SOX5: variants seen among roughly 807,000 people sequenced by gnomAD.
SOX5 encodes transcription factor SOX-5.
In SOX5, 9 loss-of-function variants were observed where a neutral mutation model predicts 92.0. The ratio of observed to expected loss-of-function variants is 0.10; its 90% CI spans 0.06 to 0.17. The LOEUF (loss-of-function observed/expected upper bound fraction) is 0.17. Among genes scored for constraint, SOX5 ranks in the 10% least tolerant of loss-of-function variants. The pLI, the probability that SOX5 is intolerant of heterozygous loss-of-function variation, is 1.00. For synonymous variants in SOX5, 344 were observed against 336.3 expected (o/e 1.02, Z -0.25); for missense variants, 642 against 944.5 (o/e 0.68, Z 4.20).
At chr12:23,552,524 C>T (rs1327987365) in intron 11 of SOX5, among the ~76,000 whole-genome samples, 1 of 151,804 alleles carries the variant, frequency 6.6e-6, no homozygotes, top group Non-Finnish European at 1.5e-5. Context: ...AAAAAATCAA[C>T]AATCATTGTC....
chr12:24,403,654 T>C (rs1270458970), intron 1 of SOX5, among the ~76,000 whole-genome samples: 1 of 152,242 alleles, frequency 6.6e-6, no homozygotes, highest in African/African-American at 2.4e-5. Flanking sequence ...CCTGCACACC[T>C]GTGCCAAGCT....
chr12:24,227,955 C>A (rs1190832520), intron 3 of SOX5: 1 of 152,218 alleles, frequency 6.6e-6, no homozygotes, highest in Non-Finnish European at 1.5e-5. Flanking sequence ...AATATGCATA[C>A]ATACAAAACT....
intron 3 of SOX5, among the ~76,000 whole-genome samples, chr12:24,257,318 T>C (rs905794056): frequency 2.6e-5 from 4 of 152,218 alleles, no homozygotes; most frequent in African/African-American, 9.7e-5. Context: ...TCTTCCTACA[T>C]TCATTATATA....
intron 2 of SOX5, among the ~76,000 whole-genome samples, chr12:23,860,952 T>TAAAAAAAAAAAAAAAA (rs71059935): frequency 2.1e-3 from 95 of 45,660 alleles, no homozygotes; most frequent in East Asian, 5.0e-3. Flanking sequence ...GTATATTTTG[T>TAAAAAAAAAAAAAAAA]AAAAAAAAAA....
chr12:23,591,141 C>CTAAAAG (rs544801478), intron 9 of SOX5, among the ~76,000 whole-genome samples: 56 of 151,914 alleles, frequency 3.7e-4, no homozygotes, highest in African/African-American at 1.4e-3. Context: ...CAAAAGTTCA[C>CTAAAAG]CTTAACAATA....
intron 4 of SOX5, among the ~76,000 whole-genome samples, chr12:24,170,240 G>A (rs1053667276): frequency 4.6e-5 from 7 of 152,202 alleles, no homozygotes; most frequent in East Asian, 1.9e-4. Flanking sequence ...AGCAGGCAGC[G>A]CTAGTGCAAG....
intron 8 of SOX5, among the ~76,000 whole-genome samples, chr12:23,624,426 T>G (rs1158949447): frequency 6.6e-6 from 1 of 152,168 alleles, no homozygotes; most frequent in African/African-American, 2.4e-5. Flanking sequence ...AATTAAAATT[T>G]TTAAGAATAA....
intron 2 of SOX5, among the ~76,000 whole-genome samples, chr12:23,881,475 C>T (rs2096989163): frequency 6.6e-6 from 1 of 152,172 alleles, no homozygotes; most frequent in African/African-American, 2.4e-5. Context: ...CTCTCACAAA[C>T]ACTGTCAAGT....
At chr12:24,522,454 G>A (rs1380231244) in intron 1 of SOX5, among the ~76,000 whole-genome samples, 2 of 151,860 alleles carry the variant, frequency 1.3e-5, no homozygotes, top group Admixed American at 1.3e-4. Context: ...GCCAAACAAA[G>A]ATATCACAAC....
intron 4 of SOX5, among the ~76,000 whole-genome samples, chr12:24,208,507 C>T (rs36102915): frequency 0.032 from 4,829 of 152,306 alleles, 87 homozygotes; most frequent in Middle Eastern, 0.058. Context: ...CCTTGGCAAT[C>T]TTCCCACTGT....
chr12:23,807,849 T>C (rs972340740), intron 3 of SOX5, among the ~76,000 whole-genome samples: 6 of 152,018 alleles, frequency 3.9e-5, no homozygotes, highest in Non-Finnish European at 8.8e-5. Context: ...GGTTTCACTA[T>C]GTTGGCCAGG....
chr12:24,351,468 A>G (rs1954076374), intron 2 of SOX5, among the ~76,000 whole-genome samples: 1 of 152,240 alleles, frequency 6.6e-6, no homozygotes, highest in African/African-American at 2.4e-5. Context: ...GGAGTTCTGA[A>G]ATCTTTCTAA....
intron 1 of SOX5, among the ~76,000 whole-genome samples, chr12:24,454,085 A>G (rs780789506): frequency 1.3e-5 from 2 of 152,152 alleles, no homozygotes; most frequent in East Asian, 3.8e-4. Context: ...CTAGAGCTAT[A>G]TTCTTTGTTT....
intron 1 of SOX5, among the ~76,000 whole-genome samples, chr12:24,413,439 T>C (rs1351592275): frequency 6.6e-6 from 1 of 152,218 alleles, no homozygotes; most frequent in Non-Finnish European, 1.5e-5. Flanking sequence ...CTGCCCACAT[T>C]GTTACACAAG....
At chr12:24,388,332 G>A (rs942283636) in intron 1 of SOX5, among the ~76,000 whole-genome samples, 3 of 152,066 alleles carry the variant, frequency 2.0e-5, no homozygotes, top group African/African-American at 4.8e-5. Context: ...ATCAAAAGAC[G>A]CCCCTGTTCC....
chr12:24,267,522 G>T (rs1374000530), intron 3 of SOX5, among the ~76,000 whole-genome samples: 1 of 152,070 alleles, frequency 6.6e-6, no homozygotes, highest in African/African-American at 2.4e-5. Context: ...AAATATATTT[G>T]CATTTACAGA....
intron 4 of SOX5, among the ~76,000 whole-genome samples, chr12:24,187,492 T>A (rs1281875413): frequency 6.6e-6 from 1 of 152,236 alleles, no homozygotes; most frequent in Non-Finnish European, 1.5e-5. Context: ...ATTTGCTTCA[T>A]AACTGCACTT....
chr12:23,813,558 T>G (rs1430091231), intron 3 of SOX5, among the ~76,000 whole-genome samples: 1 of 152,216 alleles, frequency 6.6e-6, no homozygotes, highest in Non-Finnish European at 1.5e-5. Flanking sequence ...CCACATGTGC[T>G]TTAATAAAAG....
At chr12:23,816,207 CTTTTT>C (rs11347313) in intron 3 of SOX5, among the ~76,000 whole-genome samples, 3 of 129,636 alleles carry the variant, frequency 2.3e-5, no homozygotes, top group African/African-American at 5.9e-5. Flanking sequence ...GACAAGATTT[CTTTTT>C]TTTTTTTTTT....
Sources: gnomAD v4.1 joint callset for allele counts (sites outside exome capture counted in the v4.1 genomes callset) on GRCh38, gnomAD v4.1.1 for gene constraint, MANE v1.5 for transcripts, NCBI Gene and HGNC (gene_info 2026-07-23, HGNC 2026-07-21) for gene names.